TMEM131L: variants seen among roughly 807,000 people sequenced by gnomAD.
TMEM131L encodes transmembrane 131 like.
A neutral mutation model predicts 192.2 loss-of-function variants in TMEM131L; 54 were observed. That is an observed-to-expected ratio of 0.28 (90% confidence interval 0.23 to 0.35). The LOEUF is 0.35. TMEM131L is among the 10% of genes least tolerant of loss of function. TMEM131L has a pLI of 1.00. For synonymous variants in TMEM131L, 701 were observed against 704.9 expected (o/e 0.99, Z 0.09); for missense variants, 1,888 against 1,972.9 (o/e 0.96, Z 0.82).
At chr4:153,608,773 A>G (rs1732414441) in intron 25 of TMEM131L, among the ~76,000 whole-genome samples, 2 of 152,244 alleles carry the variant, frequency 1.3e-5, no homozygotes, top group South Asian at 4.1e-4. Context: ...TAGATTTGAG[A>G]CAGTACAACT....
At chr4:153,621,608 G>A (rs1733411524) in intron 27 of TMEM131L, 75 bp from the exon 28 acceptor site, 1 of 1,473,678 alleles carries the variant, frequency 6.8e-7, no homozygotes. Flanking sequence ...TCTAATAAGT[G>A]TCATGGAAAG....
intron 3 of TMEM131L, among the ~76,000 whole-genome samples, chr4:153,527,289 C>T (rs1231977060): frequency 2.7e-5 from 4 of 149,744 alleles, no homozygotes; most frequent in African/African-American, 7.3e-5. Context: ...TGTGGGGGGG[C>T]GGTGATGAGG....
chr4:153,508,809 T>G (rs1234064265), intron 3 of TMEM131L, among the ~76,000 whole-genome samples: 1 of 151,746 alleles, frequency 6.6e-6, no homozygotes, highest in Non-Finnish European at 1.5e-5. Context: ...CACGCCCTGC[T>G]AATTTTTTAT....
chr4:153,506,764 A>G (rs1375996062), intron 3 of TMEM131L, among the ~76,000 whole-genome samples: 1 of 151,232 alleles, frequency 6.6e-6, no homozygotes, highest in African/African-American at 2.4e-5. Flanking sequence ...AATCGCTTGA[A>G]TCCAGGAGGC....
intron 3 of TMEM131L, among the ~76,000 whole-genome samples, chr4:153,475,222 G>A (rs952698444): frequency 6.6e-6 from 1 of 152,150 alleles, no homozygotes; most frequent in Admixed American, 6.5e-5. Flanking sequence ...TAACTTTGGT[G>A]GTTTTCAGAT....
chr4:153,592,389 G>A (rs1434876011), intron 17 of TMEM131L, 86 bp from the exon 18 acceptor site: 2 of 831,652 alleles, frequency 2.4e-6, no homozygotes, highest in Non-Finnish European at 4.2e-6. Context: ...ATTTCCTCAT[G>A]ATTAGGTTAT....
At chr4:153,499,703 G>A (rs1441582068) in intron 3 of TMEM131L, among the ~76,000 whole-genome samples, 5 of 152,136 alleles carry the variant, frequency 3.3e-5, no homozygotes, top group Non-Finnish European at 5.9e-5. Context: ...AGGATTACAG[G>A]CGTGAACCGC....
At chr4:153,610,201 T>G (rs984383499) in intron 25 of TMEM131L, among the ~76,000 whole-genome samples, 3 of 152,186 alleles carry the variant, frequency 2.0e-5, no homozygotes, top group African/African-American at 7.2e-5. Context: ...AGGCAAATAG[T>G]TGACTGTCCT....
intron 3 of TMEM131L, among the ~76,000 whole-genome samples, chr4:153,480,502 G>A (rs2217772): frequency 0.46 from 64,507 of 139,774 alleles, 15,586 homozygotes; most frequent in African/African-American, 0.6. Flanking sequence ...CCTGGGTGAC[G>A]GCAAGACTCC....
chr4:153,487,948 AAGAG>A (rs1290828644), intron 3 of TMEM131L, among the ~76,000 whole-genome samples: 5 of 149,950 alleles, frequency 3.3e-5, no homozygotes, highest in African/African-American at 4.9e-5. Flanking sequence ...GACAGGGACA[AAGAG>A]AGAGACCTTT....
chr4:153,622,507 T>C (rs1244104465), intron 28 of TMEM131L, among the ~76,000 whole-genome samples: 3 of 152,240 alleles, frequency 2.0e-5, no homozygotes, highest in Admixed American at 6.5e-5. Context: ...TTCCCATTCA[T>C]GTATCAATAT....
At chr4:153,547,629 C>A (rs370902333) in intron 3 of TMEM131L, among the ~76,000 whole-genome samples, 1 of 152,178 alleles carries the variant, frequency 6.6e-6, no homozygotes, top group South Asian at 2.1e-4. Context: ...AAGGTTAGGA[C>A]TTGAGAGAGG....
chr4:153,489,631 C>A (rs559010730), intron 3 of TMEM131L, among the ~76,000 whole-genome samples: 3 of 152,248 alleles, frequency 2.0e-5, no homozygotes, highest in African/African-American at 7.2e-5. Flanking sequence ...GCATGTACCA[C>A]CATGCCCGGC....
At position 153,590,957 on chromosome 4, in the gene TMEM131L, A is replaced by G. The variant is rs1278464144; in HGVS notation, c.1671-96A>G. ...GAGCCCTTTTCCTTTAAGTGGGAAT[A>G]GTATTTAGTGATTTCCCTAAATAAC... On this transcript the variant is annotated intron_variant, in intron 16 of 34. Coordinates refer to ENST00000409959, the MANE Select transcript of TMEM131L (RefSeq NM_001131007.2). 5 of 764,106 alleles carry G rather than the reference A, an allele frequency of 6.5e-6. No homozygotes were observed. In the Admixed American group the frequency reaches 1.1e-4, roughly 18 times the overall value. 47.3% of individuals were successfully genotyped at this position (764,106 alleles called of 1,614,324 possible).
chr4:153,534,252 A>C (rs1580156355), intron 3 of TMEM131L, among the ~76,000 whole-genome samples: 1 of 152,294 alleles, frequency 6.6e-6, no homozygotes, highest in East Asian at 1.9e-4. Flanking sequence ...AGAAAGAGAA[A>C]ACTGCGAAAC....
intron 28 of TMEM131L, 140 bp downstream of exon 28, chr4:153,621,989 A>C: frequency 1.2e-6 from 1 of 833,070 alleles, no homozygotes; most frequent in Non-Finnish European, 1.8e-6. Flanking sequence ...CCCAGTGGAA[A>C]GCTTTCAGGG....
intron 3 of TMEM131L, among the ~76,000 whole-genome samples, chr4:153,511,024 C>T (rs569292114): frequency 4.6e-5 from 7 of 152,316 alleles, no homozygotes; most frequent in African/African-American, 1.7e-4. Context: ...TGCTTATACA[C>T]GGTTGGTAGG....
At chr4:153,619,508 A>G (rs1471379890) in intron 26 of TMEM131L, among the ~76,000 whole-genome samples, 3 of 152,240 alleles carry the variant, frequency 2.0e-5, no homozygotes, top group Admixed American at 1.3e-4. Context: ...GTTAATACAT[A>G]CTTATTGGGG....
intron 28 of TMEM131L, among the ~76,000 whole-genome samples, chr4:153,622,329 G>C (rs761646347): frequency 1.7e-4 from 26 of 152,120 alleles, no homozygotes; most frequent in Non-Finnish European, 1.5e-4. Context: ...CAGTACATGT[G>C]GGGTATGGGG....
Sources: allele counts gnomAD v4.1 joint callset (sites outside exome capture counted in the v4.1 genomes callset), GRCh38; gene constraint gnomAD v4.1.1; transcripts MANE v1.5; gene names NCBI Gene and HGNC (gene_info 2026-07-23, HGNC 2026-07-21).